The following PHF12 variants were observed in gnomAD, a reference collection of about 807,000 sequenced individuals.
PHF12 encodes the protein PHD finger protein 12, also known as PHD factor 1.
In PHF12, 6 loss-of-function variants were observed where a neutral mutation model predicts 99.8. The observed-to-expected ratio is 0.06, with a 90% CI of 0.03 to 0.12. PHF12 has a LOEUF of 0.12. Ranked by LOEUF, PHF12 falls within the 10% of genes least tolerant of loss-of-function variation. The probability of loss-of-function intolerance (pLI) is 1.00; values close to 1 mark genes in which losing one functional copy is unlikely to be tolerated. For missense variants in PHF12, 954 were observed against 1,300.1 expected (o/e 0.73, Z 4.09); for synonymous variants, 480 against 514.9 (o/e 0.93, Z 0.92).
At chr17:28,933,784 A>C (rs372237328) in intron 2 of PHF12, among the ~76,000 whole-genome samples, 3 of 152,206 alleles carry the variant, frequency 2.0e-5, no homozygotes, top group Non-Finnish European at 2.9e-5. Flanking sequence ...GCTGTAGCTC[A>C]TATCTGTAAT....
chr17:28,906,606 C>A lies in PHF12; in HGVS notation c.2681-89G>T. 1 of 1,387,576 alleles carries A rather than the reference C, an allele frequency of 7.2e-7. No homozygotes were observed. 86.0% of individuals were successfully genotyped at this position (1,387,576 alleles called of 1,614,324 possible). ...GCCAAGGTTGGGCTCCTGCATCTCC[C>A]CATTCCAACTGCTGCATGACTAGGG... is the stretch of plus-strand genomic sequence containing the variant. On this transcript the variant is annotated intron_variant, in intron 14 of 14. Coordinates refer to ENST00000332830, the MANE Select transcript of PHF12 (RefSeq NM_001033561.2). This position sits in a 1 kb window ranked among gnomAD's most constrained non-coding sequence, Gnocchi z 4.2.
intron 2 of PHF12, among the ~76,000 whole-genome samples, chr17:28,929,088 T>A (rs942817875): frequency 6.6e-6 from 1 of 150,382 alleles, no homozygotes; most frequent in African/African-American, 2.5e-5. Context: ...AGAGTGAGAC[T>A]CTGTCTCAAA....
chr17:28,923,779 C>T, intron 4 of PHF12, 130 bp downstream of exon 4: 1 of 1,170,534 alleles, frequency 8.5e-7, no homozygotes, highest in Non-Finnish European at 1.2e-6. Context: ...AAGATCTCTC[C>T]AAGCAGAACT....
chr17:28,919,378 CCTCCTTG>C, intron 5 of PHF12, 103 bp from the exon 6 acceptor site: 2 of 757,616 alleles, frequency 2.6e-6, no homozygotes, highest in Non-Finnish European at 4.2e-6. Context: ...AACATTCTCC[CCTCCTTG>C]ATCCTAACAT....
At position 28,913,166 on chromosome 17, in the gene PHF12, C is replaced by T; in HGVS notation, c.1405G>A (p.Val469Ile). 1 of 1,614,140 alleles carries T rather than the reference C, an allele frequency of 6.2e-7. No individual in the cohort carries two copies. The highest frequency in any genetic ancestry group is 1.6e-4 in the Middle Eastern group (1 of 6,062). Reference sequence around the variant, plus strand: ...GTGACTGAGCTGTCAGTCACAATAACAGGCTTAATATCAGCCTTCTCTGTC... The same window carrying T: ...GTGACTGAGCTGTCAGTCACAATAATAGGCTTAATATCAGCCTTCTCTGTC... ...EQTEKADIKP[V>I]IVTDSSVTTS... Residue 469 changes from valine (V) to isoleucine (I), a missense_variant, in exon 9 of 15, where the codon GTT (valine) becomes ATT (isoleucine). Physicochemically the swap from Val to Ile is conservative, Grantham distance 29 (BLOSUM62 3). Coordinates refer to ENST00000332830, the MANE Select transcript of PHF12 (RefSeq NM_001033561.2).
At chr17:28,946,971 C>T (rs1238329585) in intron 2 of PHF12, among the ~76,000 whole-genome samples, 1 of 151,976 alleles carries the variant, frequency 6.6e-6, no homozygotes, top group Non-Finnish European at 1.5e-5. Context: ...TAAAATTAAG[C>T]AGTAATAGGA....
At position 28,950,881 on chromosome 17, in the gene PHF12, A is replaced by G; in HGVS notation, c.66+14T>C. 1 of 1,611,742 alleles carries G rather than the reference A, an allele frequency of 6.2e-7. No homozygotes were observed. The highest frequency in any genetic ancestry group is 8.5e-7 in the Non-Finnish European group (1 of 1,178,800). Reference sequence around the variant, plus strand: ...CCGGCGCTGGAGGAAGGAGATGAGGAGGGCCACTCTTACCTCCATCAGCCC... The same window carrying G: ...CCGGCGCTGGAGGAAGGAGATGAGGGGGGCCACTCTTACCTCCATCAGCCC... On this transcript the variant is annotated intron_variant, in intron 1 of 14. Transcript: ENST00000332830. This position sits in a 1 kb window ranked among gnomAD's most constrained non-coding sequence, Gnocchi z 5.7.
intron 11 of PHF12, 104 bp from the exon 12 acceptor site, chr17:28,908,985 C>T: frequency 9.4e-7 from 1 of 1,061,230 alleles, no homozygotes. Context: ...TGGAGAAAAT[C>T]CCGCTGGATG....
At position 28,950,685 on chromosome 17, in the gene PHF12, A is replaced by C. The variant is rs1189031812; in HGVS notation, c.66+210T>G. ...GCTGGCGCCTCGGGAGAGCGAATCG[A>C]GGGCGGCGGGTAGGTGAAACTGCTG... is the stretch of plus-strand genomic sequence containing the variant. On this transcript the variant is annotated intron_variant, in intron 1 of 14. Transcript: ENST00000332830. This position sits in a 1 kb window ranked among gnomAD's most constrained non-coding sequence, Gnocchi z 5.7. 1.5e-6 allele frequency: 1 copy of C among 655,268 alleles called. No homozygotes were observed. The highest frequency in any genetic ancestry group is 2.4e-6 in the Non-Finnish European group (1 of 420,712). 40.6% of individuals were successfully genotyped at this position (655,268 alleles called of 1,614,324 possible).
rs1401224433 is a variant in PHF12 at position 28,951,105 on chromosome 17, C to CA, written c.-146dup. 1 of 1,459,640 alleles carries CA rather than the reference C, an allele frequency of 6.9e-7. No homozygotes were observed. The highest frequency in any genetic ancestry group is 9.0e-7 in the Non-Finnish European group (1 of 1,106,492). The allele number at this position is 1,459,640 out of a possible 1,614,324, so 90.4% of individuals were successfully genotyped here. A position where few individuals can be genotyped will look rare whatever the true frequency, so the allele number is the denominator to read the frequency against. ...CGACTTCCTCGCCCTGGCTCCCCCC[C>CA]ACCCCCCGGCCCCCAGTCCCCGGGA... On this transcript the variant is annotated 5_prime_UTR_variant, in exon 1 of 15. Transcript: ENST00000332830.
Position 28,949,276 on chromosome 17 carries a change from G to A in PHF12, c.248+789C>T, listed in dbSNP as rs896209826. 6.6e-6 allele frequency among the ~76,000 whole-genome samples: 1 copy of A among 152,194 alleles called. No homozygotes were observed. The highest frequency in any genetic ancestry group is 1.5e-5 in the Non-Finnish European group (1 of 68,034). ...CAATTTTAATTGTCTAACCCGGCCC[G>A]ATTTCCTAAGAGGCAGCGGCGCCGG... On this transcript the variant is annotated intron_variant, in intron 2 of 14. Transcript: ENST00000332830. The surrounding 1 kb of genome is among the most constrained non-coding windows in gnomAD (Gnocchi z 4.6).
At chr17:28,908,698 C>T in intron 12 of PHF12, 85 bp downstream of exon 12, 1 of 1,352,354 alleles carries the variant, frequency 7.4e-7, no homozygotes, top group South Asian at 1.2e-5. Flanking sequence ...GCTTCCCTCA[C>T]CCCTTTCTAA....
intron 3 of PHF12, chr17:28,926,044 T>C (rs529877617): frequency 3.3e-5 from 5 of 152,410 alleles, no homozygotes; most frequent in African/African-American, 1.2e-4. Flanking sequence ...GCCTGGTTTA[T>C]GGAGAAATTT....
At chr17:28,921,646 G>A in intron 5 of PHF12, 42 bp downstream of exon 5, 2 of 1,603,584 alleles carry the variant, frequency 1.2e-6, no homozygotes, top group South Asian at 2.2e-5. Context: ...AGTATCATCT[G>A]CTAAATAATG....
At chr17:28,922,230 AG>A (rs1184892519) in intron 4 of PHF12, among the ~76,000 whole-genome samples, 1 of 152,196 alleles carries the variant, frequency 6.6e-6, no homozygotes, top group African/African-American at 2.4e-5. Context: ...CCAGGACTAC[AG>A]GTGTGGGCCA....
At position 28,912,996 on chromosome 17, in the gene PHF12, A is replaced by G. The variant is rs775968208; in HGVS notation, c.1575T>C (p.Cys525=). The change falls in exon 9 of 15, where the codon TGT becomes TGC. Residue 525 remains cysteine, a synonymous_variant. Transcript: ENST00000332830. ...PALEDIGCSS[C]AEKSKKTPCG... ...AAGGGGTTTTCTTGGATTTTTCCGC[A>G]CAAGAACTGCAGCCGATGTCCTCTA... The G allele has an allele frequency of 6.2e-7, 1 of 1,614,196 alleles. No homozygotes were observed. The highest frequency in any genetic ancestry group is 8.5e-7 in the Non-Finnish European group (1 of 1,180,028).
At position 28,947,294 on chromosome 17, in the gene PHF12, G is replaced by T. The variant is rs372916516; in HGVS notation, c.248+2771C>A. 3.5e-4 allele frequency among the ~76,000 whole-genome samples: 54 copies of T among 152,252 alleles called. No individual in the cohort carries two copies. In the Middle Eastern group the frequency reaches 0.02, roughly 58 times the overall value. ...CAGCACCCGGCTGGGACAAATTCAT[G>T]AAAACACATTCAAGAATAAAAATGT... is the stretch of plus-strand genomic sequence containing the variant. On this transcript the variant is annotated intron_variant, in intron 2 of 14. Coordinates refer to ENST00000332830, the MANE Select transcript of PHF12 (RefSeq NM_001033561.2).
intron 2 of PHF12, chr17:28,945,335 G>C (rs2040701872): frequency 6.6e-6 from 1 of 152,156 alleles, no homozygotes; most frequent in Admixed American, 6.5e-5. Context: ...CTGAAAATAT[G>C]CAAAACTCCA....
At chr17:28,932,401 T>A (rs2040429901) in intron 2 of PHF12, among the ~76,000 whole-genome samples, 1 of 152,198 alleles carries the variant, frequency 6.6e-6, no homozygotes, top group African/African-American at 2.4e-5. Context: ...TCCAAAGTGC[T>A]GGGATTACAC....
Sources: allele counts gnomAD v4.1 joint callset (sites outside exome capture counted in the v4.1 genomes callset), GRCh38; gene constraint gnomAD v4.1.1; non-coding constraint Gnocchi (gnomAD v3.1); transcripts MANE v1.5; gene names NCBI Gene and HGNC (gene_info 2026-07-23, HGNC 2026-07-21).